Variants in TMTC1 observed in about 807,000 individuals in gnomAD.
TMTC1 encodes protein O-mannosyl-transferase TMTC1.
Under a neutral mutation model 104.8 loss-of-function variants are expected in TMTC1, and 73 were observed. The observed-to-expected ratio is 0.70, with a 90% CI of 0.58 to 0.85. The LOEUF is 0.85. Ranked by LOEUF, TMTC1 falls within the 40% of genes least tolerant of loss-of-function variation. TMTC1 has a pLI of 0.00. For synonymous variants in TMTC1, 434 were observed against 428.7 expected (o/e 1.01, Z -0.15); for missense variants, 1,035 against 1,096.1 (o/e 0.94, Z 0.79).
At chr12:29,559,941 T>C (rs1945337957) in intron 9 of TMTC1, among the ~76,000 whole-genome samples, 1 of 152,160 alleles carries the variant, frequency 6.6e-6, no homozygotes, top group Non-Finnish European at 1.5e-5. Context: ...AAAATACAGA[T>C]GTAAATATTT....
At chr12:29,599,993 C>CATATAT (rs71444331) in intron 7 of TMTC1, among the ~76,000 whole-genome samples, 1,368 of 81,798 alleles carry the variant, frequency 0.017, 70 homozygotes, top group African/African-American at 0.086. Flanking sequence ...TGTGTATATA[C>CATATAT]ATATATATAT....
At chr12:29,725,895 TTCTC>T (rs1332835758) in intron 5 of TMTC1, among the ~76,000 whole-genome samples, 1 of 152,354 alleles carries the variant, frequency 6.6e-6, no homozygotes, top group East Asian at 1.9e-4. Flanking sequence ...ACTTTATTTT[TTCTC>T]TCTACTAATG....
rs1260094707 is a variant in TMTC1, at chr12:29,633,327, G to T, written c.948C>A (p.Thr316=). Residue 316 remains threonine (T), a synonymous_variant, in exon 6 of 18, where the codon ACC becomes ACA. Coordinates refer to ENST00000539277, the MANE Select transcript of TMTC1 (RefSeq NM_001193451.2). ...CATTGAAGGCCAAGAGGTAGGAATAGGTGAGGAATCTATAAAGAGAAGAAG... is the reference window on the plus strand; with the variant it reads ...CATTGAAGGCCAAGAGGTAGGAATATGTGAGGAATCTATAAAGAGAAGAAG... ...RAVWSMMRFL[T]YSYLLAFNVW... 3 of 1,604,964 alleles carry T rather than the reference G, an allele frequency of 1.9e-6. No individual in the cohort carries two copies. In the African/African-American group the frequency reaches 4.0e-5, roughly 21 times the overall value.
chr12:29,742,107 A>T (rs1329723855), intron 5 of TMTC1, among the ~76,000 whole-genome samples: 1 of 152,182 alleles, frequency 6.6e-6, no homozygotes, highest in Non-Finnish European at 1.5e-5. Context: ...AAAATCTCTG[A>T]TAAAGACTTT....
chr12:29,697,898 A>G (rs1309695690), intron 5 of TMTC1, among the ~76,000 whole-genome samples: 1 of 152,206 alleles, frequency 6.6e-6, no homozygotes, highest in Non-Finnish European at 1.5e-5. Flanking sequence ...AGAAGAAGAA[A>G]ACCCTCAGAA....
At chr12:29,652,094 G>A (rs1050776438) in intron 5 of TMTC1, among the ~76,000 whole-genome samples, 5 of 152,290 alleles carry the variant, frequency 3.3e-5, no homozygotes, top group African/African-American at 1.2e-4. Context: ...ATATGAATGT[G>A]AAAGGTCTAT....
At chr12:29,643,087 A>C (rs1938937384) in intron 5 of TMTC1, among the ~76,000 whole-genome samples, 1 of 152,114 alleles carries the variant, frequency 6.6e-6, no homozygotes, top group South Asian at 2.1e-4. Context: ...TCAAAACCAC[A>C]ATGTGATACC....
intron 3 of TMTC1, among the ~76,000 whole-genome samples, chr12:29,757,758 C>T (rs1943248472): frequency 6.6e-6 from 1 of 152,134 alleles, no homozygotes; most frequent in Non-Finnish European, 1.5e-5. Flanking sequence ...GCCTCAAAAT[C>T]ATGGTGGAAG....
chr12:29,707,815 C>T (rs1287789844), intron 5 of TMTC1, among the ~76,000 whole-genome samples: 1 of 152,146 alleles, frequency 6.6e-6, no homozygotes, highest in African/African-American at 2.4e-5. Flanking sequence ...TTTTCACCTG[C>T]CACAGCACTT....
chr12:29,723,441 C>T (rs1405370446), intron 5 of TMTC1, among the ~76,000 whole-genome samples: 1 of 152,140 alleles, frequency 6.6e-6, no homozygotes, highest in South Asian at 2.1e-4. Context: ...AGAAACCAAG[C>T]CAGGAGCAGT....
chr12:29,563,797 A>T (rs1945439413), intron 9 of TMTC1, among the ~76,000 whole-genome samples: 1 of 152,178 alleles, frequency 6.6e-6, no homozygotes, highest in African/African-American at 2.4e-5. Flanking sequence ...CACAGCATTA[A>T]AGAGAAAGCT....
rs59185698 is a variant in TMTC1 at position 29,515,753 on chromosome 12, C to CTT, written c.2307+594_2307+595dup. Among the ~76,000 whole-genome samples the CTT allele has an allele frequency of 9.6e-3, 1,330 of 138,382 alleles. 25 individuals carry two copies. Among genetic ancestry groups the CTT allele is most frequent in the African/African-American group, 0.027 (1,034 of 37,700 alleles). The allele number at this position is 138,382 out of a possible 152,430, so 90.8% of individuals were successfully genotyped here. A position where few individuals can be genotyped will look rare whatever the true frequency, so the allele number is the denominator to read the frequency against. ...AGCTCCATGAAGACAAGGGCAGTGA[C>CTT]TTTTTTTTTTTTTTTTCATACCACT... is the stretch of plus-strand genomic sequence containing the variant. On this transcript the variant is annotated intron_variant, in intron 15 of 17. Transcript: ENST00000539277.
At chr12:29,782,189 G>A (rs976755756) in intron 1 of TMTC1, among the ~76,000 whole-genome samples, 2 of 152,246 alleles carry the variant, frequency 1.3e-5, no homozygotes, top group African/African-American at 4.8e-5. Context: ...AGTAGAAAAC[G>A]AGAACAACTT....
Position 29,732,761 on chromosome 12 carries a change from C to T in TMTC1, c.938+18905G>A, listed in dbSNP as rs75172637. ...TTAAAGGGCTCTTGGTGCAGAGTGA[C>T]ATAACAAATCACTCTTCTGGCAAAC... On this transcript the variant is annotated intron_variant, in intron 5 of 17. Transcript: ENST00000539277. Among the ~76,000 whole-genome samples, 3 of 152,226 alleles carry T rather than the reference C, an allele frequency of 2.0e-5. No homozygotes were observed. The East Asian group carries it at 5.8e-4, about 29-fold the overall frequency.
intron 2 of TMTC1, among the ~76,000 whole-genome samples, chr12:29,766,746 C>T (rs565584693): frequency 4.6e-5 from 7 of 152,134 alleles, no homozygotes; most frequent in Admixed American, 2.6e-4. Flanking sequence ...GGGAAGCGTC[C>T]AAAGAGATGC....
chr12:29,682,025 C>A (rs1940935331), intron 5 of TMTC1, among the ~76,000 whole-genome samples: 1 of 151,926 alleles, frequency 6.6e-6, no homozygotes. Context: ...GAATTAGTAT[C>A]TATAATAAAT....
At chr12:29,581,730 C>T (rs159697) in intron 8 of TMTC1, among the ~76,000 whole-genome samples, 81,544 of 151,420 alleles carry the variant, frequency 0.54, 24,625 homozygotes, top group Non-Finnish European at 0.66. Flanking sequence ...AGAACTGTTT[C>T]TAAAGATGCT....
intron 5 of TMTC1, among the ~76,000 whole-genome samples, chr12:29,636,127 T>C (rs756029609): frequency 1.3e-5 from 2 of 152,198 alleles, no homozygotes; most frequent in African/African-American, 4.8e-5. Flanking sequence ...AATAAGATGA[T>C]GTCTGGGATT....
chr12:29,701,180 C>G (rs1049902479), intron 5 of TMTC1, among the ~76,000 whole-genome samples: 33 of 152,036 alleles, frequency 2.2e-4, no homozygotes, highest in African/African-American at 8.0e-4. Flanking sequence ...CAAGTAAATT[C>G]AGAAGATTGA....
Sources: gnomAD v4.1 joint callset for allele counts (sites outside exome capture counted in the v4.1 genomes callset) on GRCh38, gnomAD v4.1.1 for gene constraint, MANE v1.5 for transcripts, NCBI Gene and HGNC (gene_info 2026-07-23, HGNC 2026-07-21) for gene names.